The following DNAH14 variants were observed in gnomAD, a reference collection of about 807,000 sequenced individuals.
The protein encoded by DNAH14 is dynein axonemal heavy chain 14.
Under a neutral mutation model 520.9 loss-of-function variants are expected in DNAH14, and 478 were observed. That is an observed-to-expected ratio of 0.92 (90% CI 0.85 to 0.99). The LOEUF is 0.99. Among genes scored for constraint, DNAH14 ranks in the 50% least tolerant of loss-of-function variants. The pLI is 0.00. For synonymous variants in DNAH14, 1,581 were observed against 1,757.2 expected (o/e 0.90, Z 2.51); for missense variants, 4,831 against 5,234.5 (o/e 0.92, Z 2.38).
intron 2 of DNAH14, chr1:224,953,129 C>CTTTTTTTTTTTTTTTTT (rs56337123): frequency 1.3e-5 from 2 of 150,978 alleles, no homozygotes; most frequent in Non-Finnish European, 2.8e-5. Context: ...CATAGAAATA[C>CTTTTTTTTTTTTTTTTT]TTTTTTTTTT....
intron 41 of DNAH14, among the ~76,000 whole-genome samples, chr1:225,230,605 G>A (rs765902853): frequency 2.6e-5 from 4 of 152,062 alleles, no homozygotes; most frequent in Non-Finnish European, 5.9e-5. Context: ...GGGAGTGAGA[G>A]GGGGATGACT....
intron 27 of DNAH14, among the ~76,000 whole-genome samples, chr1:225,138,219 G>T (rs2079127616): frequency 6.6e-6 from 1 of 152,174 alleles, no homozygotes; most frequent in African/African-American, 2.4e-5. Flanking sequence ...CCCCAATCTG[G>T]CAAGGCCACA....
intron 17 of DNAH14, among the ~76,000 whole-genome samples, chr1:225,074,657 G>A (rs1217392752): frequency 3.3e-5 from 5 of 152,174 alleles, no homozygotes; most frequent in African/African-American, 1.2e-4. Flanking sequence ...CAAATGAGGA[G>A]GAACAGATAA....
intron 81 of DNAH14, among the ~76,000 whole-genome samples, chr1:225,387,089 G>A (rs2095849798): frequency 6.6e-6 from 1 of 152,150 alleles, no homozygotes; most frequent in Non-Finnish European, 1.5e-5. Flanking sequence ...CCTTTGTAGG[G>A]ACATGGATGA....
intron 76 of DNAH14, among the ~76,000 whole-genome samples, chr1:225,366,241 T>C (rs933908293): frequency 1.3e-5 from 2 of 152,206 alleles, no homozygotes; most frequent in African/African-American, 4.8e-5. Context: ...CAGGGAGATA[T>C]TAATCCAGAA....
chr1:225,305,141 T>G, intron 58 of DNAH14, 52 bp downstream of exon 58: 1 of 1,489,882 alleles, frequency 6.7e-7, no homozygotes, highest in Non-Finnish European at 8.9e-7. Context: ...TGTTTTTGTT[T>G]GCGAAAAGAG....
chr1:225,178,504 T>C (rs1321716157), intron 36 of DNAH14, among the ~76,000 whole-genome samples: 1 of 152,192 alleles, frequency 6.6e-6, no homozygotes, highest in African/African-American at 2.4e-5. Flanking sequence ...ACATGGGACT[T>C]CTGGGAGATA....
In DNAH14 at chr1:225,280,558, C is replaced by T. The variant is rs979080003; in HGVS notation, c.8271+3056C>T. Among the ~76,000 whole-genome samples, 11 of 151,502 alleles carry T rather than the reference C, an allele frequency of 7.3e-5. 1 individual carries two copies. In the South Asian group the frequency reaches 2.3e-3, roughly 32 times the overall value. Reference sequence around the variant, plus strand: ...AGCTTGCAGTGAGCCGAGATAGCGCCACTGAACTCCAGCCTGGGTGACAAA... The same window carrying T: ...AGCTTGCAGTGAGCCGAGATAGCGCTACTGAACTCCAGCCTGGGTGACAAA... On this transcript the variant is annotated intron_variant, in intron 54 of 85. Coordinates refer to ENST00000682510, the MANE Select transcript of DNAH14 (RefSeq NM_001367479.1).
intron 3 of DNAH14, among the ~76,000 whole-genome samples, chr1:224,957,728 AT>A (rs1480877890): frequency 6.6e-6 from 1 of 152,176 alleles, no homozygotes; most frequent in Non-Finnish European, 1.5e-5. Context: ...TGTCCATTGA[AT>A]TTACTGACCT....
At chr1:225,218,120 C>A (rs1206858775) in intron 41 of DNAH14, among the ~76,000 whole-genome samples, 2 of 152,124 alleles carry the variant, frequency 1.3e-5, no homozygotes, top group African/African-American at 4.8e-5. Flanking sequence ...GAGATTTGGT[C>A]ATCACCAGGC....
At chr1:225,146,657 C>T (rs2079974193) in intron 30 of DNAH14, among the ~76,000 whole-genome samples, 1 of 152,222 alleles carries the variant, frequency 6.6e-6, no homozygotes, top group Admixed American at 6.5e-5. Context: ...TGCCCATCAG[C>T]TGCCCGCCAC....
At chr1:224,944,751 A>G (rs1451665954) in intron 1 of DNAH14, among the ~76,000 whole-genome samples, 5 of 152,162 alleles carry the variant, frequency 3.3e-5, no homozygotes, top group African/African-American at 1.2e-4. Context: ...TTCACTTCTG[A>G]GGCTTAGTTT....
At chr1:225,176,468 T>C (rs1347980402) in intron 36 of DNAH14, among the ~76,000 whole-genome samples, 1 of 152,218 alleles carries the variant, frequency 6.6e-6, no homozygotes, top group African/African-American at 2.4e-5. Flanking sequence ...TTCGTCTAGA[T>C]TGCAGTTTAA....
Position 225,399,114 on chromosome 1 carries a change from T to A in DNAH14, c.13699T>A (p.Cys4567Ser). ...QTDSELYAFECPVYQTPERSR... is the reference protein window; with the variant it reads ...QTDSELYAFESPVYQTPERSR... ...AGATTCAGAACTCTATGCTTTTGAATGCCCAGTTTACCAGACACCTGAGAG... is the reference window on the plus strand; with the variant it reads ...AGATTCAGAACTCTATGCTTTTGAAAGCCCAGTTTACCAGACACCTGAGAG... The change falls in exon 86 of 86, where the codon TGC (cysteine) becomes AGC (serine). Residue 4567 changes from cysteine to serine, a missense_variant. Physicochemically the swap from Cys to Ser is moderately radical, Grantham distance 112 (BLOSUM62 -1). Transcript: ENST00000682510. 1 of 1,552,008 alleles carries A rather than the reference T, an allele frequency of 6.4e-7. No homozygotes were observed.
chr1:225,342,173 G>T (rs1388534589), intron 69 of DNAH14, among the ~76,000 whole-genome samples: 1 of 152,048 alleles, frequency 6.6e-6, no homozygotes, highest in African/African-American at 2.4e-5. Flanking sequence ...CAAATTAAAA[G>T]CTAGTTTTTT....
rs1263816461 is a variant in DNAH14 at position 224,971,377 on chromosome 1, AG to A, written c.767+2504del. On this transcript the variant is annotated intron_variant, in intron 7 of 85. Transcript: ENST00000682510. Reference sequence around the variant, plus strand: ...ACCTGAGAAACTTTTTTTTTGTAAGAGAAGAAGGATTTTGTGACAGAGAAAT... The same window carrying A: ...ACCTGAGAAACTTTTTTTTTGTAAGAAAGAAGGATTTTGTGACAGAGAAAT... Among the ~76,000 whole-genome samples the A allele has an allele frequency of 3.9e-5, 6 of 152,082 alleles. No individual in the cohort carries two copies. The East Asian group carries it at 9.6e-4, about 24-fold the overall frequency.
At chr1:225,211,237 C>G (rs1046603259) in intron 41 of DNAH14, among the ~76,000 whole-genome samples, 4 of 152,044 alleles carry the variant, frequency 2.6e-5, no homozygotes, top group Non-Finnish European at 5.9e-5. Flanking sequence ...CAACCCAATG[C>G]CAGTAAGCTA....
At chr1:225,273,716 C>T (rs928151909) in intron 52 of DNAH14, among the ~76,000 whole-genome samples, 4 of 152,150 alleles carry the variant, frequency 2.6e-5, no homozygotes, top group Admixed American at 1.3e-4. Flanking sequence ...AACAAGACTC[C>T]TCATCCTTCT....
intron 38 of DNAH14, among the ~76,000 whole-genome samples, chr1:225,193,419 G>A (rs2149357912): frequency 6.6e-6 from 1 of 152,226 alleles, no homozygotes; most frequent in African/African-American, 2.4e-5. Context: ...GCCAGGTGTG[G>A]TGGCATACAC....
Sources: allele counts gnomAD v4.1 joint callset (sites outside exome capture counted in the v4.1 genomes callset), GRCh38; gene constraint gnomAD v4.1.1; transcripts MANE v1.5; gene names NCBI Gene and HGNC (gene_info 2026-07-23, HGNC 2026-07-21).